Variants in CTNNA3 observed in about 807,000 individuals in gnomAD.
CTNNA3 encodes the protein catenin alpha 3, also known as catenin alpha-3.
CTNNA3 carries 76 observed loss-of-function variants against 95.7 expected under a neutral mutation model. The observed-to-expected ratio is 0.79, with a 90% CI of 0.66 to 0.96. The LOEUF is 0.96. Ranked by LOEUF, CTNNA3 falls within the 40% of genes least tolerant of loss-of-function variation. The probability of loss-of-function intolerance (pLI) is 0.00; values close to 1 mark genes in which losing one functional copy is unlikely to be tolerated. For synonymous variants in CTNNA3, 431 were observed against 374.4 expected, an observed-to-expected ratio of 1.15 and a Z score of -1.74; for missense variants, 1,191 against 1,089.8, an observed-to-expected ratio of 1.09 and a Z score of -1.31.
At chr10:66,189,101 A>G (rs2086508280) in intron 13 of CTNNA3, among the ~76,000 whole-genome samples, 1 of 152,040 alleles carries the variant, frequency 6.6e-6, no homozygotes, top group Non-Finnish European at 1.5e-5. Flanking sequence ...AAGTTGGATA[A>G]TTCCCATATA....
intron 10 of CTNNA3, among the ~76,000 whole-genome samples, chr10:66,591,782 A>G (rs1237268321): frequency 6.6e-6 from 1 of 152,082 alleles, no homozygotes; most frequent in African/African-American, 2.4e-5. Context: ...CCCCTTAAAT[A>G]TAATATTCAG....
At chr10:66,652,383 G>T (rs904079009) in intron 9 of CTNNA3, among the ~76,000 whole-genome samples, 7 of 151,938 alleles carry the variant, frequency 4.6e-5, no homozygotes, top group African/African-American at 1.7e-4. Flanking sequence ...TTCAATAATT[G>T]AATAACCTAG....
chr10:67,377,354 A>C (rs1843732615), intron 5 of CTNNA3, among the ~76,000 whole-genome samples: 1 of 152,208 alleles, frequency 6.6e-6, no homozygotes, highest in African/African-American at 2.4e-5. Flanking sequence ...ATTTGTCAGA[A>C]TAAGTTAAGA....
chr10:66,951,612 A>C (rs1161856234), intron 7 of CTNNA3, among the ~76,000 whole-genome samples: 1 of 152,102 alleles, frequency 6.6e-6, no homozygotes, highest in Non-Finnish European at 1.5e-5. Flanking sequence ...TTTGAACCCA[A>C]GTCTTTCTTG....
chr10:65,961,039 C>G (rs1219323059), intron 17 of CTNNA3, among the ~76,000 whole-genome samples: 2 of 152,036 alleles, frequency 1.3e-5, no homozygotes, highest in East Asian at 1.9e-4. Flanking sequence ...TGACTTTATT[C>G]CATCAGTTGT....
chr10:66,426,912 A>G (rs1008835439), intron 11 of CTNNA3, among the ~76,000 whole-genome samples: 4 of 151,920 alleles, frequency 2.6e-5, no homozygotes, highest in African/African-American at 9.7e-5. Flanking sequence ...TATATTTTAA[A>G]TCTGTTTTTT....
chr10:67,548,078 G>T (rs1840901474), intron 3 of CTNNA3, among the ~76,000 whole-genome samples: 1 of 152,126 alleles, frequency 6.6e-6, no homozygotes, highest in African/African-American at 2.4e-5. Context: ...AGGTGTTTGG[G>T]TCATGAGGGT....
At chr10:66,468,189 A>C (rs1207892255) in intron 11 of CTNNA3, among the ~76,000 whole-genome samples, 1 of 151,996 alleles carries the variant, frequency 6.6e-6, no homozygotes, top group Non-Finnish European at 1.5e-5. Flanking sequence ...CAGTGATAGA[A>C]TCAGTAAAGA....
chr10:67,656,623 G>A (rs1268616047), intron 1 of CTNNA3, among the ~76,000 whole-genome samples: 3 of 152,036 alleles, frequency 2.0e-5, no homozygotes, highest in East Asian at 3.9e-4. Flanking sequence ...GGGAAGTTCA[G>A]AGCAGATTTC....
intron 10 of CTNNA3, among the ~76,000 whole-genome samples, chr10:66,585,749 G>T (rs922168106): frequency 4.6e-5 from 7 of 151,772 alleles, no homozygotes; most frequent in Non-Finnish European, 1.0e-4. Context: ...TCTTTATCTG[G>T]TATTTCAAAG....
chr10:66,999,646 G>C (rs1254425621), intron 7 of CTNNA3, among the ~76,000 whole-genome samples: 1 of 152,100 alleles, frequency 6.6e-6, no homozygotes, highest in African/African-American at 2.4e-5. Context: ...AACTAGATCA[G>C]GGTTAGTTTG....
At chr10:67,406,527 G>A (rs967806532) in intron 5 of CTNNA3, among the ~76,000 whole-genome samples, 1 of 151,998 alleles carries the variant, frequency 6.6e-6, no homozygotes, top group African/African-American at 2.4e-5. Flanking sequence ...GAAACCAAGA[G>A]TGAACAAATA....
chr10:66,888,522 G>GC (rs1845133843), intron 7 of CTNNA3, among the ~76,000 whole-genome samples: 6 of 151,662 alleles, frequency 4.0e-5, no homozygotes, highest in Middle Eastern at 6.8e-3. Flanking sequence ...GATCATGCAG[G>GC]CCTTTCAGGT....
intron 11 of CTNNA3, among the ~76,000 whole-genome samples, chr10:66,453,619 A>G (rs2093478546): frequency 6.6e-6 from 1 of 152,220 alleles, no homozygotes; most frequent in African/African-American, 2.4e-5. Flanking sequence ...TAATCGAAGG[A>G]ACAGACCACC....
chr10:66,621,850 C>A, intron 9 of CTNNA3, 66 bp from the exon 10 acceptor site: 2 of 924,914 alleles, frequency 2.2e-6, no homozygotes, highest in Non-Finnish European at 3.4e-6. Flanking sequence ...AACACTTATA[C>A]TGAACAAGAA....
rs188524619 is a variant in CTNNA3 at position 67,181,901 on chromosome 10, G to A, written c.844-1381C>T. Reference sequence around the variant, plus strand: ...ATAAAATGTGAGGGGTTTTGAGTGAGTTTCTTAATCCTGAGTCATGAGTGA... The same window carrying A: ...ATAAAATGTGAGGGGTTTTGAGTGAATTTCTTAATCCTGAGTCATGAGTGA... On this transcript the variant is annotated intron_variant, in intron 6 of 17. Transcript: ENST00000433211. Among the ~76,000 whole-genome samples, 212 of 152,142 alleles carry A rather than the reference G, an allele frequency of 1.4e-3. 1 individual carries two copies. Among genetic ancestry groups the A allele is most frequent in the African/African-American group, 5.0e-3 (207 of 41,516 alleles).
chr10:67,056,026 T>C (rs185876658), intron 7 of CTNNA3, among the ~76,000 whole-genome samples: 1 of 152,218 alleles, frequency 6.6e-6, no homozygotes, highest in Non-Finnish European at 1.5e-5. Context: ...ATGTAATATA[T>C]GTATATTATA....
At position 66,029,377 on chromosome 10, in the gene CTNNA3, A is replaced by T. The variant is rs114607400; in HGVS notation, c.2159+39931T>A. ...ATCACATCTCTGACCTCATCTTTTA[A>T]CACTTTCACCTTTGCTTACTCCAGT... On this transcript the variant is annotated intron_variant, in intron 15 of 17. Transcript: ENST00000433211. Among the ~76,000 whole-genome samples the T allele has an allele frequency of 9.2e-3, 1,405 of 152,148 alleles. 28 individuals carry two copies. The highest frequency in any genetic ancestry group is 0.032 in the African/African-American group (1,339 of 41,514).
At chr10:67,056,862 T>A (rs1855461899) in intron 7 of CTNNA3, among the ~76,000 whole-genome samples, 2 of 152,290 alleles carry the variant, frequency 1.3e-5, no homozygotes, top group African/African-American at 4.8e-5. Flanking sequence ...AAGGTGCATA[T>A]GAGGTTACAT....
Sources: allele counts gnomAD v4.1 joint callset (sites outside exome capture counted in the v4.1 genomes callset), GRCh38; gene constraint gnomAD v4.1.1; transcripts MANE v1.5; gene names NCBI Gene and HGNC (gene_info 2026-07-23, HGNC 2026-07-21).